GRID1: variants seen among roughly 807,000 people sequenced by gnomAD.
The protein encoded by GRID1 is glutamate receptor ionotropic, delta-1.
A neutral mutation model predicts 98.0 loss-of-function variants in GRID1; 28 were observed. The observed-to-expected ratio is 0.29, with a 90% CI of 0.21 to 0.39. The LOEUF (loss-of-function observed/expected upper bound fraction) is 0.39. GRID1 is among the 10% of genes least tolerant of loss of function. The pLI is 1.00. For missense variants in GRID1, 1,111 were observed against 1,340.5 expected, an observed-to-expected ratio of 0.83 and a Z score of 2.67; for synonymous variants, 553 against 538.5, an observed-to-expected ratio of 1.03 and a Z score of -0.37.
intron 5 of GRID1, among the ~76,000 whole-genome samples, chr10:85,877,498 CCAG>C (rs1840912134): frequency 6.6e-6 from 1 of 152,142 alleles, no homozygotes; most frequent in South Asian, 2.1e-4. Flanking sequence ...CTGCTGACAC[CCAG>C]GCAAACAGGG....
intron 2 of GRID1, among the ~76,000 whole-genome samples, chr10:86,271,884 A>C (rs987208422): frequency 1.3e-5 from 2 of 152,300 alleles, no homozygotes; most frequent in African/African-American, 4.8e-5. Context: ...ATTCATGAAA[A>C]ATTTCAAATT....
chr10:85,853,565 T>C (rs999977773), intron 8 of GRID1, among the ~76,000 whole-genome samples: 7 of 152,180 alleles, frequency 4.6e-5, no homozygotes, highest in African/African-American at 1.2e-4. Context: ...ATCTACACCA[T>C]GAGTAGTCCC....
intron 3 of GRID1, among the ~76,000 whole-genome samples, chr10:86,141,301 G>A (rs538901046): frequency 6.6e-6 from 1 of 152,294 alleles, no homozygotes; most frequent in Non-Finnish European, 1.5e-5. Context: ...CAGGGCCATG[G>A]GGATCTGTAG....
intron 4 of GRID1, among the ~76,000 whole-genome samples, chr10:86,058,318 C>A (rs1843602874): frequency 6.6e-6 from 1 of 152,110 alleles, no homozygotes; most frequent in Admixed American, 6.6e-5. Flanking sequence ...TGGTTCCGGC[C>A]CCAGGTTCCA....
intron 4 of GRID1, among the ~76,000 whole-genome samples, chr10:86,043,593 C>T (rs1383242984): frequency 6.6e-6 from 1 of 152,234 alleles, no homozygotes; most frequent in African/African-American, 2.4e-5. Flanking sequence ...TATAGGTGAC[C>T]TACCTTGGCT....
intron 4 of GRID1, among the ~76,000 whole-genome samples, chr10:86,128,272 C>T (rs1198750566): frequency 6.6e-6 from 1 of 152,126 alleles, no homozygotes; most frequent in African/African-American, 2.4e-5. Flanking sequence ...GGTTCAAGTC[C>T]TGCATCTCCC....
intron 5 of GRID1, among the ~76,000 whole-genome samples, chr10:85,880,417 G>C (rs968127816): frequency 6.6e-6 from 1 of 152,220 alleles, no homozygotes; most frequent in Non-Finnish European, 1.5e-5. Context: ...CAAAAAGCTT[G>C]TCCACCATGA....
intron 4 of GRID1, among the ~76,000 whole-genome samples, chr10:85,974,291 T>C (rs936090780): frequency 6.6e-6 from 1 of 152,116 alleles, no homozygotes; most frequent in Admixed American, 6.5e-5. Flanking sequence ...TTGTTTGTTT[T>C]GTTTTGTTTT....
chr10:86,093,718 A>G (rs1030979478), intron 4 of GRID1, among the ~76,000 whole-genome samples: 1 of 151,926 alleles, frequency 6.6e-6, no homozygotes, highest in African/African-American at 2.4e-5. Context: ...AATTACCAAC[A>G]AAAAAAAGTC....
rs1004745251 is a variant in GRID1, at chr10:85,884,292, T to C, written c.781-15112A>G. On this transcript the variant is annotated intron_variant, in intron 5 of 15. Coordinates refer to ENST00000327946, the MANE Select transcript of GRID1 (RefSeq NM_017551.3). ...CCTTTTGTATGGAATTTAAATTCTTTAGCTCATGACCCTGGTCTTTTTCTG... is the reference window on the plus strand; with the variant it reads ...CCTTTTGTATGGAATTTAAATTCTTCAGCTCATGACCCTGGTCTTTTTCTG... Among the ~76,000 whole-genome samples the C allele has an allele frequency of 5.3e-5, 8 of 152,210 alleles. No homozygotes were observed. The East Asian group carries it at 1.5e-3, about 29-fold the overall frequency.
At chr10:85,631,801 A>T (rs1417928624) in intron 13 of GRID1, among the ~76,000 whole-genome samples, 3 of 152,198 alleles carry the variant, frequency 2.0e-5, no homozygotes, top group African/African-American at 7.2e-5. Flanking sequence ...GTGTGCCTGG[A>T]TACAAAATAG....
intron 12 of GRID1, among the ~76,000 whole-genome samples, chr10:85,712,205 A>C (rs926091439): frequency 4.0e-5 from 6 of 151,826 alleles, no homozygotes; most frequent in Admixed American, 1.3e-4. Flanking sequence ...ATTTACTTAA[A>C]AGTAGAGATT....
chr10:86,021,642 C>T (rs932422037), intron 4 of GRID1, among the ~76,000 whole-genome samples: 3 of 152,106 alleles, frequency 2.0e-5, no homozygotes, highest in African/African-American at 7.2e-5. Context: ...CCATCCCATG[C>T]CTCAGTACCA....
intron 8 of GRID1, among the ~76,000 whole-genome samples, chr10:85,759,403 C>T (rs1247021844): frequency 6.6e-6 from 1 of 152,256 alleles, no homozygotes; most frequent in Non-Finnish European, 1.5e-5. Context: ...AGACCTGGAG[C>T]CCCACTCAAG....
At chr10:85,698,741 A>C (rs1435089459) in intron 12 of GRID1, among the ~76,000 whole-genome samples, 1 of 152,220 alleles carries the variant, frequency 6.6e-6, no homozygotes, top group East Asian at 1.9e-4. Flanking sequence ...GAAACTGCGA[A>C]CTGTCTGCCA....
At chr10:85,962,283 A>G (rs79223231) in intron 4 of GRID1, among the ~76,000 whole-genome samples, 10,101 of 152,130 alleles carry the variant, frequency 0.066, 1,068 homozygotes, top group African/African-American at 0.23. Flanking sequence ...AAAGTTGCTT[A>G]GCATCTGGTG....
At chr10:85,954,340 T>C (rs1177291305) in intron 4 of GRID1, among the ~76,000 whole-genome samples, 1 of 152,254 alleles carries the variant, frequency 6.6e-6, no homozygotes, top group Non-Finnish European at 1.5e-5. Flanking sequence ...CCAGCAAGCA[T>C]GCCAAGTTAC....
intron 3 of GRID1, among the ~76,000 whole-genome samples, chr10:86,188,804 T>C (rs1845761076): frequency 6.6e-6 from 1 of 152,174 alleles, no homozygotes; most frequent in Non-Finnish European, 1.5e-5. Flanking sequence ...ATGGGGATGG[T>C]GCCAGTGTTA....
intron 5 of GRID1, among the ~76,000 whole-genome samples, chr10:85,909,626 C>A (rs1221734925): frequency 6.6e-6 from 1 of 152,166 alleles, no homozygotes; most frequent in East Asian, 1.9e-4. Flanking sequence ...AAAATAATTT[C>A]ATTGAGTAAA....
Sources: gnomAD v4.1 joint callset for allele counts (sites outside exome capture counted in the v4.1 genomes callset) on GRCh38, gnomAD v4.1.1 for gene constraint, MANE v1.5 for transcripts, NCBI Gene and HGNC (gene_info 2026-07-23, HGNC 2026-07-21) for gene names.